The following TMEM91 variants were observed in gnomAD, a reference collection of about 807,000 sequenced individuals.
The protein encoded by TMEM91 is dispanin subfamily C member 3.
Under a neutral mutation model 13.3 loss-of-function variants are expected in TMEM91, and 6 were observed. The observed-to-expected ratio is 0.45, with a 90% CI of 0.25 to 0.89. The LOEUF (loss-of-function observed/expected upper bound fraction) is 0.89. TMEM91 is among the 40% of genes least tolerant of loss of function. The pLI, the probability that TMEM91 is intolerant of heterozygous loss-of-function variation, is 0.19. For missense variants in TMEM91, 193 were observed against 228.7 expected (o/e 0.84, Z 1.01); for synonymous variants, 87 against 101.7 (o/e 0.86, Z 0.87).
chr19:41,371,311 C>CTCCTTCCTTCCTTCCT lies in TMEM91; in HGVS notation c.-29-6927_-29-6912dup, dbSNP rs34140170. On this transcript the variant is annotated intron_variant, in intron 1 of 3. Coordinates refer to the TMEM91 transcript ENST00000413014. ...ACCACCATGCCTGGCCCACTATCCT[C>CTCCTTCCTTCCTTCCT]TCCTTCCTTCCTTCCTTCCTTCCTT... Among the ~76,000 whole-genome samples the CTCCTTCCTTCCTTCCT allele has an allele frequency of 1.3e-3, 151 of 111,956 alleles. 4 individuals carry two copies. Among genetic ancestry groups the CTCCTTCCTTCCTTCCT allele is most frequent in the African/African-American group, 3.7e-3 (105 of 28,108 alleles). The allele number at this position is 111,956 out of a possible 152,430, so 73.4% of individuals were successfully genotyped here.
upstream of TMEM91, among the ~76,000 whole-genome samples, chr19:41,375,141 T>G (rs987255895): frequency 2.6e-5 from 4 of 151,980 alleles, no homozygotes; most frequent in African/African-American, 9.7e-5. Flanking sequence ...CCCACCTGCC[T>G]CTGCTTCCTC....
rs1599935741 is a variant in TMEM91, at chr19:41,384,019, T to C, written c.*146T>C. 3.6e-6 allele frequency: 5 copies of C among 1,374,282 alleles called. No individual in the cohort carries two copies. The East Asian group carries it at 1.4e-4, about 39-fold the overall frequency. 85.1% of individuals were successfully genotyped at this position (1,374,282 alleles called of 1,614,324 possible). On this transcript the variant is annotated 3_prime_UTR_variant, in exon 4 of 4. Transcript: ENST00000392002. ...CGAGCTGGACTGGAACCCTTCCCCT[T>C]CCTGGCCACCGCTCTTCGGGCGGCA...
intron 3 of TMEM91, 149 bp downstream of exon 3, chr19:41,383,070 T>C (rs998104906): frequency 1.6e-5 from 19 of 1,171,358 alleles, no homozygotes; most frequent in African/African-American, 1.5e-4. Context: ...CTCTGCAAGA[T>C]TTTTTTTGAG....
At chr19:41,371,073 C>T (rs1458055160) in intron 1 of TMEM91, among the ~76,000 whole-genome samples, 1 of 151,530 alleles carries the variant, frequency 6.6e-6, no homozygotes, top group Non-Finnish European at 1.5e-5. Context: ...GAGATCTCAG[C>T]TCACCACAAC....
At chr19:41,375,440 G>T (rs1468261257), upstream of TMEM91, among the ~76,000 whole-genome samples, 1 of 150,868 alleles carries the variant, frequency 6.6e-6, no homozygotes, top group African/African-American at 2.4e-5. Context: ...CACCAAGCCC[G>T]GCTAATTTTT....
At chr19:41,369,554 C>CA (rs1235520443) in intron 1 of TMEM91, among the ~76,000 whole-genome samples, 4 of 150,842 alleles carry the variant, frequency 2.7e-5, no homozygotes. Flanking sequence ...CCTGGATTCC[C>CA]AGCACTTTGG....
chr19:41,378,570 C>G, intron 2 of TMEM91, 51 bp downstream of exon 2: 1 of 1,591,614 alleles, frequency 6.3e-7, no homozygotes, highest in Non-Finnish European at 8.6e-7. Context: ...CTGGGGTGAG[C>G]CCCACTAAGG....
chr19:41,381,056 G>A (rs569252628), intron 2 of TMEM91, among the ~76,000 whole-genome samples: 2 of 114,066 alleles, frequency 1.8e-5, no homozygotes, highest in Admixed American at 1.2e-4. Flanking sequence ...CTGCCCTCCA[G>A]CCTGGGCAAG....
At chr19:41,383,683 GC>G in intron 3 of TMEM91, 31 bp from the exon 4 acceptor site, 1 of 1,613,844 alleles carries the variant, frequency 6.2e-7, no homozygotes, top group Non-Finnish European at 8.5e-7. Context: ...CTGAGGGGAT[GC>G]CTGGGTCACT....
Position 41,384,037 on chromosome 19 carries a change from G to A in TMEM91, c.*164G>A, listed in dbSNP as rs1287116150. 16 of 1,277,252 alleles carry A rather than the reference G, an allele frequency of 1.3e-5. No homozygotes were observed. The highest frequency in any genetic ancestry group is 5.7e-5 in the East Asian group (2 of 35,078). 79.1% of individuals were successfully genotyped at this position (1,277,252 alleles called of 1,614,324 possible). A position where few individuals can be genotyped will look rare whatever the true frequency, so the allele number is the denominator to read the frequency against. On this transcript the variant is annotated 3_prime_UTR_variant, in exon 4 of 4. Transcript: ENST00000392002. Reference sequence around the variant, plus strand: ...TTCCCCTTCCTGGCCACCGCTCTTCGGGCGGCAGCAACCTGAGATTAAACA... The same window carrying A: ...TTCCCCTTCCTGGCCACCGCTCTTCAGGCGGCAGCAACCTGAGATTAAACA...
rs1468906551 is a variant in TMEM91 at position 41,365,839 on chromosome 19, T to C, written c.-30+1744T>C. Among the ~76,000 whole-genome samples the C allele has an allele frequency of 2.0e-5, 3 of 150,374 alleles. No homozygotes were observed. The East Asian group carries it at 5.9e-4, about 30-fold the overall frequency. On this transcript the variant is annotated intron_variant, in intron 1 of 3. Transcript: ENST00000413014. Reference sequence around the variant, plus strand: ...AATTCTTCTGTCTCAGCCTCCTTAGTAGCTGGGATTGCAGGCACCCACCAC... The same window carrying C: ...AATTCTTCTGTCTCAGCCTCCTTAGCAGCTGGGATTGCAGGCACCCACCAC...
intron 3 of TMEM91, 142 bp downstream of exon 3, chr19:41,383,063 T>C (rs2123209392): frequency 1.6e-6 from 2 of 1,267,824 alleles, no homozygotes; most frequent in Non-Finnish European, 2.2e-6. Context: ...TGCCACTCTC[T>C]GCAAGATTTT....
chr19:41,379,249 G>A (rs537246733), intron 2 of TMEM91, among the ~76,000 whole-genome samples: 2 of 150,166 alleles, frequency 1.3e-5, no homozygotes, highest in South Asian at 2.1e-4. Context: ...GAGAAGGCGA[G>A]GCAGGAGGAC....
In TMEM91 at chr19:41,371,155, T is replaced by C. The variant is rs146109622; in HGVS notation, c.-30+7060T>C. On this transcript the variant is annotated intron_variant, in intron 1 of 3. Coordinates refer to the TMEM91 transcript ENST00000413014. ...TAGCTGGGATTACAGGCATGCACCA[T>C]CATGCCCGGCTGACTTTTGTATTTT... is the stretch of plus-strand genomic sequence containing the variant. Among the ~76,000 whole-genome samples the C allele has an allele frequency of 8.9e-3, 1,296 of 145,034 alleles. 16 individuals are homozygous for C. The highest frequency in any genetic ancestry group is 0.032 in the African/African-American group (1,234 of 39,174).
chr19:41,381,644 G>A (rs995817804), intron 2 of TMEM91, among the ~76,000 whole-genome samples: 15 of 151,964 alleles, frequency 9.9e-5, no homozygotes, highest in African/African-American at 3.1e-4. Context: ...GCTTACAGGC[G>A]TGAGCCACTG....
At chr19:41,375,402 C>G (rs2038697601), upstream of TMEM91, among the ~76,000 whole-genome samples, 1 of 149,780 alleles carries the variant, frequency 6.7e-6, no homozygotes, top group African/African-American at 2.5e-5. Context: ...CCTCAGCCTC[C>G]CAAGTAGCTG....
At chr19:41,372,970 A>C (rs1399965038), upstream of TMEM91, among the ~76,000 whole-genome samples, 2 of 150,656 alleles carry the variant, frequency 1.3e-5, no homozygotes, top group Non-Finnish European at 3.0e-5. Context: ...ACTGGGTTTC[A>C]CTTTGTTGCC....
intron 3 of TMEM91, 89 bp from the exon 4 acceptor site, chr19:41,383,625 AT>A (rs2038946415): frequency 6.8e-6 from 11 of 1,613,942 alleles, no homozygotes; most frequent in Non-Finnish European, 9.3e-6. Context: ...GCATGAATGA[AT>A]GAATGGGTAT....
rs1216919291 is a variant in TMEM91 at position 41,378,410 on chromosome 19, C to T, written c.101C>T (p.Pro34Leu). Residue 34 changes from proline (P) to leucine (L), a missense_variant, in exon 2 of 4, where the codon CCC (proline) becomes CTC (leucine). Transcript: ENST00000392002. ...QKPGRHELGS[P>L]LREIAFAESL... ...CCTGGCAGGCATGAGCTGGGGTCCC[C>T]CTTAAGAGAGATAGCCTTTGCCGAG... 1 of 1,614,174 alleles carries T rather than the reference C, an allele frequency of 6.2e-7. No homozygotes were observed.
Sources: gnomAD v4.1 joint callset for allele counts (sites outside exome capture counted in the v4.1 genomes callset) on GRCh38, gnomAD v4.1.1 for gene constraint, MANE v1.5 for transcripts, NCBI Gene and HGNC (gene_info 2026-07-23, HGNC 2026-07-21) for gene names.